The following CLEC2A variants were observed in gnomAD, a reference collection of about 807,000 sequenced individuals.
CLEC2A encodes the protein C-type lectin domain family 2 member A.
A neutral mutation model predicts 18.6 loss-of-function variants in CLEC2A; 19 were observed. That is an observed-to-expected ratio of 1.02 (90% CI 0.71 to 1.50). The LOEUF (loss-of-function observed/expected upper bound fraction) is 1.50, where lower values mean the gene tolerates loss of function less well. CLEC2A is among the 40% of genes most tolerant of loss of function. The pLI is 0.00. For missense variants in CLEC2A, 190 were observed against 207.9 expected (o/e 0.91, Z 0.53); for synonymous variants, 74 against 64.0 (o/e 1.16, Z -0.75).
chr12:9,880,667 C>A, the CLEC2A span, among the ~76,000 whole-genome samples: 1 of 152,124 alleles, frequency 6.6e-6, no homozygotes, highest in African/African-American at 2.4e-5. Context: ...ATGCAAAGTC[C>A]ACCGTCTGTA....
Position 9,916,754 on chromosome 12 carries a change from C to T in CLEC2A, c.356G>A (p.Ser119Asn), listed in dbSNP as rs1863078945. 1.9e-6 allele frequency: 3 copies of T among 1,551,376 alleles called. No homozygotes were observed. In the Admixed American group the frequency reaches 5.9e-5, roughly 30 times the overall value. The change falls in exon 4 of 5, where the codon AGC becomes AAC. Residue 119 changes from serine (S) to asparagine (N), a missense_variant. Ser to Asn is a conservative substitution (Grantham distance 46). Coordinates refer to ENST00000455827, the MANE Select transcript of CLEC2A (RefSeq NM_001130711.2). ...AGTDMHWIGLSRKQGDSWKWT... is the reference protein window; with the variant it reads ...AGTDMHWIGLNRKQGDSWKWT... Reference sequence around the variant, plus strand: ...TTTCCAAGAATCTCCTTGTTTCCTGCTTAGTCCAATCCAGTGCATATCAGT... The same window carrying T: ...TTTCCAAGAATCTCCTTGTTTCCTGTTTAGTCCAATCCAGTGCATATCAGT...
downstream of CLEC2A, among the ~76,000 whole-genome samples, chr12:9,911,934 C>T (rs1247632214): frequency 6.6e-6 from 1 of 152,114 alleles, no homozygotes; most frequent in Non-Finnish European, 1.5e-5. Flanking sequence ...AAGATGGAGG[C>T]CTGCAACACA....
chr12:9,899,487 AAAGAG>A (rs1337810881), intron 4 of CLEC2A, among the ~76,000 whole-genome samples: 1 of 152,146 alleles, frequency 6.6e-6, no homozygotes, highest in Non-Finnish European at 1.5e-5. Context: ...TGCCATTGAG[AAAGAG>A]GGGAGCAGGT....
chr12:9,884,909 A>G, the CLEC2A span: 34 of 780,540 alleles, frequency 4.4e-5, no homozygotes, highest in Non-Finnish European at 5.4e-5. Context: ...AATAATCACA[A>G]GAATTCTAAA....
the CLEC2A span, among the ~76,000 whole-genome samples, chr12:9,885,718 A>T: frequency 6.6e-6 from 1 of 151,986 alleles, no homozygotes; most frequent in African/African-American, 2.4e-5. Flanking sequence ...CTCAGACCAA[A>T]GATATATCCT....
chr12:9,879,342 A>G, the CLEC2A span, among the ~76,000 whole-genome samples: 1 of 152,104 alleles, frequency 6.6e-6, no homozygotes, highest in South Asian at 2.1e-4. Context: ...CAGACCAGGA[A>G]CCACTCAACT....
chr12:9,901,018 G>A (rs1298301140), intron 4 of CLEC2A, among the ~76,000 whole-genome samples: 1 of 152,094 alleles, frequency 6.6e-6, no homozygotes, highest in African/African-American at 2.4e-5. Context: ...CTTGATTACA[G>A]GAGTATACAC....
chr12:9,884,804 AG>A, the CLEC2A span: 1 of 383,176 alleles, frequency 2.6e-6, no homozygotes, highest in Non-Finnish European at 4.6e-6. Context: ...TTTTATTTTT[AG>A]ATTTTCATTT....
chr12:9,919,999 C>A (rs1863139838), intron 3 of CLEC2A, among the ~76,000 whole-genome samples: 1 of 152,190 alleles, frequency 6.6e-6, no homozygotes, highest in Non-Finnish European at 1.5e-5. Context: ...ACTTCCACCC[C>A]TGGTCAACTT....
chr12:9,881,745 C>T, the CLEC2A span: 15 of 980,256 alleles, frequency 1.5e-5, no homozygotes, highest in South Asian at 2.9e-5. Context: ...ATATTTTTAA[C>T]ATCTTAACAT....
At chr12:9,887,490 TCAAG>T in the CLEC2A span, among the ~76,000 whole-genome samples, 1 of 152,152 alleles carries the variant, frequency 6.6e-6, no homozygotes, top group African/African-American at 2.4e-5. Flanking sequence ...ACAAGAGTAA[TCAAG>T]TAAATATTTT....
At chr12:9,902,234 T>A (rs1050228242) in intron 4 of CLEC2A, among the ~76,000 whole-genome samples, 2 of 67,982 alleles carry the variant, frequency 2.9e-5, no homozygotes, top group African/African-American at 1.6e-4. Context: ...AGGTTTGCCA[T>A]TTTTTTTTTT....
chr12:9,907,966 C>A (rs1862928538), intron 4 of CLEC2A, among the ~76,000 whole-genome samples: 1 of 152,178 alleles, frequency 6.6e-6, no homozygotes. Flanking sequence ...GTCATCTGGA[C>A]TAATTGGTTG....
the CLEC2A span, among the ~76,000 whole-genome samples, chr12:9,890,122 A>G: frequency 6.6e-6 from 1 of 152,278 alleles, no homozygotes; most frequent in Admixed American, 6.5e-5. Context: ...TAGTGACTAG[A>G]TATTATACCA....
At chr12:9,887,159 G>A in the CLEC2A span, among the ~76,000 whole-genome samples, 1 of 152,012 alleles carries the variant, frequency 6.6e-6, no homozygotes, top group South Asian at 2.1e-4. Flanking sequence ...AATGAAAAAA[G>A]TAATATAAAC....
chr12:9,922,198 A>G lies in CLEC2A; in HGVS notation c.174T>C (p.Cys58=). The G allele has an allele frequency of 6.4e-7, 1 of 1,550,604 alleles. No individual in the cohort carries two copies. The highest frequency in any genetic ancestry group is 8.7e-7 in the Non-Finnish European group (1 of 1,146,474). The change falls in exon 3 of 5, where the codon TGT becomes TGC. Residue 58 remains cysteine (C), a synonymous_variant. Transcript: ENST00000455827. The part of the protein sequence containing the change: ...TWSKHAKPVA[C]SGDWLGVRDK... ...CTCTCACTCCAAGCCAGTCCCCTGA[A>G]CATGCCACAGGTTTAGCATGCTTGG...
intron 4 of CLEC2A, among the ~76,000 whole-genome samples, chr12:9,900,742 G>A (rs1315275836): frequency 6.6e-6 from 1 of 152,182 alleles, no homozygotes; most frequent in Non-Finnish European, 1.5e-5. Context: ...TACAGGGACT[G>A]AATAAACAAG....
chr12:9,918,713 C>T (rs1481743717), intron 3 of CLEC2A, among the ~76,000 whole-genome samples: 3 of 152,144 alleles, frequency 2.0e-5, no homozygotes, highest in Non-Finnish European at 4.4e-5. Context: ...AGTTCAGCCT[C>T]GTTAAGAACT....
At chr12:9,929,426 T>C (rs1275457012) in intron 1 of CLEC2A, among the ~76,000 whole-genome samples, 1 of 152,146 alleles carries the variant, frequency 6.6e-6, no homozygotes, top group Non-Finnish European at 1.5e-5. Context: ...ACATTAGCAA[T>C]TTAAAAAAGA....
Sources: gnomAD v4.1 joint callset for allele counts (sites outside exome capture counted in the v4.1 genomes callset) on GRCh38, gnomAD v4.1.1 for gene constraint, MANE v1.5 for transcripts, NCBI Gene and HGNC (gene_info 2026-07-23, HGNC 2026-07-21) for gene names.